The following ZNF324B variants were observed in gnomAD, a reference collection of about 807,000 sequenced individuals.
ZNF324B encodes the protein zinc finger protein 324B.
Under a neutral mutation model 10.6 loss-of-function variants are expected in ZNF324B, and 7 were observed. The ratio of observed to expected loss-of-function variants is 0.66; its 90% CI spans 0.38 to 1.24. The LOEUF is 1.24. ZNF324B is among the 50% of genes most tolerant of loss of function. The probability of loss-of-function intolerance (pLI) is 0.02; values close to 1 mark genes in which losing one functional copy is unlikely to be tolerated. For synonymous variants in ZNF324B, 316 were observed against 321.0 expected, an observed-to-expected ratio of 0.98 and a Z score of 0.17; for missense variants, 640 against 764.7, an observed-to-expected ratio of 0.84 and a Z score of 1.92.
Position 58,455,422 on chromosome 19 carries a change from C to T in ZNF324B, c.478C>T (p.Leu160=). ...GCGCAGTGACCAGGCCAGCATCAGC[C>T]TGCGACTGACCTCCCCACTCAGGCC... The part of the protein sequence containing the change: ...GSRSDQASIS[L]RLTSPLRPPK... The change falls in exon 4 of 4, where the codon CTG becomes TTG. Residue 160 remains leucine, a synonymous_variant. Coordinates refer to ENST00000336614, the MANE Select transcript of ZNF324B (RefSeq NM_207395.3). The surrounding 1 kb of genome is among the most constrained non-coding windows in gnomAD (Gnocchi z 7.0). The T allele has an allele frequency of 6.2e-7, 1 of 1,614,210 alleles. No individual in the cohort carries two copies. The highest frequency in any genetic ancestry group is 1.7e-5 in the Admixed American group (1 of 60,034).
chr19:58,425,575 A>G, the ZNF324B span, among the ~76,000 whole-genome samples: 30 of 149,474 alleles, frequency 2.0e-4, no homozygotes, highest in Non-Finnish European at 3.0e-4. Context: ...GGTTCAAGCA[A>G]CTCTCCTACC....
At position 58,455,824 on chromosome 19, in the gene ZNF324B, T is replaced by C. The variant is rs1229933051; in HGVS notation, c.880T>C (p.Phe294Leu). The C allele has an allele frequency of 1.1e-5, 18 of 1,614,006 alleles. No homozygotes were observed. Among genetic ancestry groups the C allele is most frequent in the Non-Finnish European group, 1.4e-5 (16 of 1,179,972 alleles). Residue 294 changes from phenylalanine (F) to leucine (L), a missense_variant, in exon 4 of 4, where the codon TTC (phenylalanine) becomes CTC (leucine). Physicochemically the swap from Phe to Leu is conservative, Grantham distance 22. Around this residue, in one of 3 missense-constraint regions of ZNF324B, gnomAD observed 345 missense variants for 387.9 expected, o/e 0.89. Coordinates refer to ENST00000336614, the MANE Select transcript of ZNF324B (RefSeq NM_207395.3). This position sits in a 1 kb window ranked among gnomAD's most constrained non-coding sequence, Gnocchi z 7.0. ...CGAGTGCACCCAGTGCGGCAAGGCC[T>C]TCAGCCAGACGTCGCACTTGACGCA... is the stretch of plus-strand genomic sequence containing the variant. ...PYECTQCGKA[F>L]SQTSHLTQHQ...
the ZNF324B span, among the ~76,000 whole-genome samples, chr19:58,439,538 C>G: frequency 6.6e-6 from 1 of 152,252 alleles, no homozygotes; most frequent in Non-Finnish European, 1.5e-5. Context: ...CCTTCCAGAT[C>G]TCATTCCACA....
the ZNF324B span, chr19:58,433,143 T>G: frequency 1.5e-6 from 1 of 671,014 alleles, no homozygotes; most frequent in South Asian, 2.0e-5. Flanking sequence ...TTCTGCCTTA[T>G]GCTGCATGGG....
the ZNF324B span, chr19:58,437,654 C>G: frequency 5.3e-6 from 5 of 949,058 alleles, no homozygotes; most frequent in East Asian, 5.8e-4. Flanking sequence ...CCATACAGTT[C>G]TTATATTTCC....
the ZNF324B span, among the ~76,000 whole-genome samples, chr19:58,419,605 C>T: frequency 7.2e-5 from 11 of 152,300 alleles, no homozygotes; most frequent in African/African-American, 2.4e-4. Flanking sequence ...TTCTCATATC[C>T]TCTCTGGGCT....
At chr19:58,429,033 T>G in the ZNF324B span, 1 of 152,194 alleles carries the variant, frequency 6.6e-6, no homozygotes, top group South Asian at 2.1e-4. Context: ...GGCCCACAGG[T>G]GACCCTTGGT....
chr19:58,425,700 A>T, the ZNF324B span, among the ~76,000 whole-genome samples: 1 of 148,750 alleles, frequency 6.7e-6, no homozygotes, highest in East Asian at 2.0e-4. Context: ...CAAACTCCCA[A>T]CCTCAGGTGA....
the ZNF324B span, among the ~76,000 whole-genome samples, chr19:58,420,822 C>T: frequency 1.3e-5 from 2 of 151,604 alleles, no homozygotes; most frequent in Admixed American, 6.6e-5. Context: ...ATTCTCATAC[C>T]TCAGTCTCCC....
Position 58,455,273 on chromosome 19 carries a change from T to G in ZNF324B, c.329T>G (p.Phe110Cys), listed in dbSNP as rs2052903342. 1.2e-6 allele frequency: 2 copies of G among 1,614,050 alleles called. No homozygotes were observed. The highest frequency in any genetic ancestry group is 2.2e-5 in the South Asian group (2 of 91,088). ...DTPPGMTTSVFPVADACHSVK... is the reference protein window; with the variant it reads ...DTPPGMTTSVCPVADACHSVK... Reference sequence around the variant, plus strand: ...CCACCTGGGATGACTACTAGCGTCTTCCCAGTTGCCGATGCCTGCCACAGT... The same window carrying G: ...CCACCTGGGATGACTACTAGCGTCTGCCCAGTTGCCGATGCCTGCCACAGT... Residue 110 changes from phenylalanine (F) to cysteine (C), a missense_variant, in exon 4 of 4, where the codon TTC becomes TGC. Physicochemically the swap from Phe to Cys is radical, Grantham distance 205. Coordinates refer to ENST00000336614, the MANE Select transcript of ZNF324B (RefSeq NM_207395.3). The surrounding 1 kb of genome is among the most constrained non-coding windows in gnomAD (Gnocchi z 7.0).
chr19:58,420,000 G>A, the ZNF324B span, among the ~76,000 whole-genome samples: 3 of 152,124 alleles, frequency 2.0e-5, no homozygotes, highest in Non-Finnish European at 4.4e-5. Context: ...AATCGTTTTA[G>A]GCTGGGCGTG....
chr19:58,440,791 T>C, the ZNF324B span: 1 of 152,194 alleles, frequency 6.6e-6, no homozygotes, highest in Non-Finnish European at 1.5e-5. Flanking sequence ...GGCGTTATGT[T>C]GGCTTTAGGG....
the ZNF324B span, chr19:58,434,996 C>T: frequency 6.2e-7 from 1 of 1,614,196 alleles, no homozygotes; most frequent in Non-Finnish European, 8.5e-7. Context: ...AACCAAAAGT[C>T]TCTCCCACAT....
upstream of ZNF324B, among the ~76,000 whole-genome samples, chr19:58,449,214 C>G (rs760800520): frequency 6.6e-6 from 1 of 152,158 alleles, no homozygotes; most frequent in African/African-American, 2.4e-5. Flanking sequence ...TGTGGGTGCA[C>G]AGAACTCAAG....
upstream of ZNF324B, among the ~76,000 whole-genome samples, chr19:58,449,452 G>A (rs765083840): frequency 2.6e-5 from 4 of 152,206 alleles, no homozygotes; most frequent in African/African-American, 7.2e-5. Flanking sequence ...CAGAATGGTA[G>A]ATACAACCAA....
chr19:58,432,603 C>T, the ZNF324B span, among the ~76,000 whole-genome samples: 75 of 152,296 alleles, frequency 4.9e-4, no homozygotes, highest in African/African-American at 1.7e-3. Flanking sequence ...CTGGGCCCTA[C>T]GGTAACTGAA....
chr19:58,438,725 G>T, the ZNF324B span, among the ~76,000 whole-genome samples: 21 of 150,586 alleles, frequency 1.4e-4, no homozygotes, highest in Admixed American at 1.4e-3. Flanking sequence ...CACCTGCCTC[G>T]GCCTCCCAAA....
intron 1 of ZNF324B, chr19:58,452,728 A>G (rs1157505127): frequency 3.5e-6 from 3 of 863,214 alleles, no homozygotes; most frequent in East Asian, 1.2e-4. Flanking sequence ...CAGGGCCTAT[A>G]AACTGGACTG....
At chr19:58,423,874 C>T in the ZNF324B span, among the ~76,000 whole-genome samples, 1 of 152,080 alleles carries the variant, frequency 6.6e-6, no homozygotes, top group Non-Finnish European at 1.5e-5. Context: ...AACTAGACCC[C>T]CATCTCTCAC....
Sources: gnomAD v4.1 joint callset for allele counts (sites outside exome capture counted in the v4.1 genomes callset) on GRCh38, gnomAD v4.1.1 for gene constraint, gnomAD v4.1.1 regional missense constraint, Gnocchi (gnomAD v3.1) non-coding constraint, MANE v1.5 for transcripts, NCBI Gene and HGNC (gene_info 2026-07-23, HGNC 2026-07-21) for gene names.